The following KCNIP4 variants were observed in gnomAD, a reference collection of about 807,000 sequenced individuals.
KCNIP4 encodes potassium voltage-gated channel interacting protein 4, also known as Kv channel-interacting protein 4.
Under a neutral mutation model 34.0 loss-of-function variants are expected in KCNIP4, and 12 were observed. That is an observed-to-expected ratio of 0.35 (90% confidence interval 0.23 to 0.57). The LOEUF is 0.57. Ranked by LOEUF, KCNIP4 falls within the 20% of genes least tolerant of loss-of-function variation. The pLI is 0.83. For synonymous variants in KCNIP4, 124 were observed against 102.2 expected (o/e 1.21, Z -1.29); for missense variants, 238 against 311.7 (o/e 0.76, Z 1.78).
At chr4:21,211,013 G>A (rs1426882663) in intron 1 of KCNIP4, among the ~76,000 whole-genome samples, 1 of 152,124 alleles carries the variant, frequency 6.6e-6, no homozygotes, top group Non-Finnish European at 1.5e-5. Context: ...CAATAGTGAA[G>A]TTTAGCTCTA....
At chr4:21,788,013 C>T (rs762752856) in intron 1 of KCNIP4, among the ~76,000 whole-genome samples, 38 of 151,826 alleles carry the variant, frequency 2.5e-4, no homozygotes, top group Non-Finnish European at 4.9e-4. Context: ...GCTTTGAAGG[C>T]AGGCCGCTTG....
intron 1 of KCNIP4, among the ~76,000 whole-genome samples, chr4:21,830,755 C>A (rs1332342173): frequency 6.6e-6 from 1 of 152,004 alleles, no homozygotes; most frequent in South Asian, 2.1e-4. Flanking sequence ...ATCATCCAGA[C>A]AGAAAATCAA....
chr4:21,172,152 C>T (rs1577826813), intron 1 of KCNIP4, among the ~76,000 whole-genome samples: 1 of 152,034 alleles, frequency 6.6e-6, no homozygotes, highest in Non-Finnish European at 1.5e-5. Context: ...CTCAGCCTCC[C>T]GAGTAGCTGG....
At chr4:21,271,749 G>T (rs1762156452) in intron 1 of KCNIP4, among the ~76,000 whole-genome samples, 1 of 152,090 alleles carries the variant, frequency 6.6e-6, no homozygotes, top group African/African-American at 2.4e-5. Flanking sequence ...TTTCTATAAG[G>T]CTCGCACACA....
At chr4:21,671,771 A>G (rs1749519199) in intron 1 of KCNIP4, among the ~76,000 whole-genome samples, 1 of 152,186 alleles carries the variant, frequency 6.6e-6, no homozygotes, top group South Asian at 2.1e-4. Context: ...GAGGAAAACT[A>G]AATCCTAACG....
At chr4:21,158,401 A>G (rs539489085) in intron 1 of KCNIP4, among the ~76,000 whole-genome samples, 102 of 152,328 alleles carry the variant, frequency 6.7e-4, no homozygotes, top group African/African-American at 2.3e-3. Context: ...CAAAATTTCT[A>G]AAGAAAATGC....
chr4:21,416,080 A>G (rs373486396), intron 1 of KCNIP4, among the ~76,000 whole-genome samples: 29 of 152,372 alleles, frequency 1.9e-4, no homozygotes, highest in African/African-American at 7.0e-4. Context: ...TTCTGGGGCT[A>G]AGAAAAGCAG....
chr4:21,906,069 T>G (rs546140640), intron 1 of KCNIP4, among the ~76,000 whole-genome samples: 1 of 152,194 alleles, frequency 6.6e-6, no homozygotes, highest in Non-Finnish European at 1.5e-5. Flanking sequence ...TACATTCATT[T>G]GTTTCATTCA....
rs556023341 is a variant in KCNIP4 at position 21,519,691 on chromosome 4, C to T, written c.61+428880G>A. On this transcript the variant is annotated intron_variant, in intron 1 of 8. Coordinates refer to ENST00000382152, the MANE Select transcript of KCNIP4 (RefSeq NM_025221.6). The stretch of plus-strand genomic sequence containing the variant: ...ACGTGTGTGTATGTATGTGTATATA[C>T]ACACGTGTGTGTATGTATGTGTATA... Among the ~76,000 whole-genome samples the T allele has an allele frequency of 1.1e-3, 149 of 133,848 alleles. 5 individuals carry two copies. In the South Asian group the frequency reaches 0.015, roughly 14 times the overall value. 87.8% of individuals were successfully genotyped at this position (133,848 alleles called of 152,430 possible).
chr4:21,732,559 CAG>C (rs1285120574), intron 1 of KCNIP4, among the ~76,000 whole-genome samples: 5 of 152,144 alleles, frequency 3.3e-5, no homozygotes, highest in Admixed American at 3.3e-4. Flanking sequence ...GAGCCTAATG[CAG>C]AGTTGCACAG....
intron 1 of KCNIP4, among the ~76,000 whole-genome samples, chr4:21,446,316 C>T (rs896867381): frequency 1.3e-5 from 2 of 152,086 alleles, no homozygotes; most frequent in Non-Finnish European, 2.9e-5. Flanking sequence ...TATAAAGACT[C>T]TTGCACACAT....
intron 1 of KCNIP4, among the ~76,000 whole-genome samples, chr4:21,397,996 A>T (rs2109539653): frequency 6.6e-6 from 1 of 152,352 alleles, no homozygotes; most frequent in South Asian, 2.1e-4. Context: ...CCGTGGGGTC[A>T]CTTCCTGCAG....
intron 1 of KCNIP4, among the ~76,000 whole-genome samples, chr4:20,970,466 G>A (rs572849278): frequency 2.6e-4 from 40 of 152,208 alleles, no homozygotes; most frequent in Middle Eastern, 3.4e-3. Context: ...CTTACAAATT[G>A]TGTTTGGTTA....
intron 3 of KCNIP4, among the ~76,000 whole-genome samples, chr4:20,848,199 G>T (rs1364716950): frequency 6.6e-6 from 1 of 152,072 alleles, no homozygotes; most frequent in East Asian, 1.9e-4. Context: ...TAGGCCTTTG[G>T]CATATTCAGG....
chr4:21,380,625 C>T lies in KCNIP4; in HGVS notation c.62-497916G>A, dbSNP rs142439065. On this transcript the variant is annotated intron_variant, in intron 1 of 8. Transcript: ENST00000382152. ...ATGAAATGCTGAGAAACAAAAAGCA[C>T]CTTAAAGCTTACTTCGACAAAGTGG... 3.7e-3 allele frequency among the ~76,000 whole-genome samples: 567 copies of T among 152,126 alleles called. 5 individuals are homozygous for T. Among genetic ancestry groups the T allele is most frequent in the African/African-American group, 0.013 (520 of 41,512 alleles).
In KCNIP4 at chr4:21,039,086, G is replaced by A. The variant is rs370245113; in HGVS notation, c.62-156377C>T. Among the ~76,000 whole-genome samples the A allele has an allele frequency of 1.6e-4, 25 of 152,262 alleles. No individual in the cohort carries two copies. The South Asian group carries it at 4.1e-3, about 25-fold the overall frequency. On this transcript the variant is annotated intron_variant, in intron 1 of 8. Coordinates refer to ENST00000382152, the MANE Select transcript of KCNIP4 (RefSeq NM_025221.6). ...GGCAATAAGCATCAAGAGGCTGGGC[G>A]CGGTGGCTCATGCCTGTAATCCCAG...
intron 2 of KCNIP4, among the ~76,000 whole-genome samples, chr4:20,868,350 T>C (rs977502994): frequency 2.6e-5 from 4 of 152,176 alleles, no homozygotes; most frequent in Non-Finnish European, 5.9e-5. Context: ...AAACAGATGC[T>C]GGTGAGGCTG....
At chr4:20,780,015 A>G (rs376487259) in intron 3 of KCNIP4, among the ~76,000 whole-genome samples, 1 of 152,312 alleles carries the variant, frequency 6.6e-6, no homozygotes, top group East Asian at 1.9e-4. Flanking sequence ...CTACAGCTGC[A>G]TTAGGAAACT....
intron 1 of KCNIP4, among the ~76,000 whole-genome samples, chr4:21,129,987 A>C (rs1262404504): frequency 6.6e-6 from 1 of 152,130 alleles, no homozygotes; most frequent in Non-Finnish European, 1.5e-5. Flanking sequence ...ATGCTGTATT[A>C]GCTGAACTAT....
Sources: gnomAD v4.1 joint callset for allele counts (sites outside exome capture counted in the v4.1 genomes callset) on GRCh38, gnomAD v4.1.1 for gene constraint, MANE v1.5 for transcripts, NCBI Gene and HGNC (gene_info 2026-07-23, HGNC 2026-07-21) for gene names.